LRIF1: variants seen among roughly 807,000 people sequenced by gnomAD.
LRIF1 encodes ligand-dependent nuclear receptor-interacting factor 1.
A neutral mutation model predicts 52.7 loss-of-function variants in LRIF1; 32 were observed. That is an observed-to-expected ratio of 0.61 (90% confidence interval 0.46 to 0.82). The LOEUF (loss-of-function observed/expected upper bound fraction) is 0.82. Among genes scored for constraint, LRIF1 ranks in the 40% least tolerant of loss-of-function variants. The pLI is 0.00. For missense variants in LRIF1, 887 were observed against 892.0 expected (o/e 0.99, Z 0.07); for synonymous variants, 323 against 317.4 (o/e 1.02, Z -0.19).
intron 1 of LRIF1, among the ~76,000 whole-genome samples, chr1:110,958,887 A>C (rs1658830529): frequency 1.3e-5 from 2 of 152,242 alleles, no homozygotes; most frequent in Non-Finnish European, 2.9e-5. Context: ...TCTTGGCAAC[A>C]AAATGTAATG....
At chr1:110,922,631 A>G in the LRIF1 span, among the ~76,000 whole-genome samples, 1 of 152,266 alleles carries the variant, frequency 6.6e-6, no homozygotes. Flanking sequence ...TATGAATAAT[A>G]CAAATTGTTT....
At chr1:110,899,939 T>C in the LRIF1 span, 1 of 152,654 alleles carries the variant, frequency 6.6e-6, no homozygotes, top group Admixed American at 6.5e-5. Context: ...CATTGCTATA[T>C]ATCAAACACT....
chr1:110,937,120 A>C, the LRIF1 span: 13 of 152,252 alleles, frequency 8.5e-5, no homozygotes, highest in African/African-American at 2.9e-4. Flanking sequence ...AGACCCTAAT[A>C]CAATAATAGC....
At chr1:110,913,737 T>C in the LRIF1 span, among the ~76,000 whole-genome samples, 43 of 152,320 alleles carry the variant, frequency 2.8e-4, no homozygotes, top group African/African-American at 9.9e-4. Context: ...GTTTACAGAC[T>C]TCTCAAAATA....
the LRIF1 span, among the ~76,000 whole-genome samples, chr1:110,931,117 A>G: frequency 1.3e-5 from 2 of 151,974 alleles, no homozygotes; most frequent in Non-Finnish European, 2.9e-5. Context: ...TATTTCTCCT[A>G]ATGCTATCCC....
intron 1 of LRIF1, among the ~76,000 whole-genome samples, chr1:110,962,227 A>T (rs1357984103): frequency 6.6e-6 from 1 of 152,144 alleles, no homozygotes; most frequent in African/African-American, 2.4e-5. Context: ...TTAATCATTT[A>T]AAAAGTAATT....
rs1223135100 is a variant in LRIF1 at position 110,951,653 on chromosome 1, C to A, written c.1231G>T (p.Val411Phe). 2 of 1,614,054 alleles carry A rather than the reference C, an allele frequency of 1.2e-6. No individual in the cohort carries two copies. Among genetic ancestry groups the A allele is most frequent in the African/African-American group, 1.3e-5 (1 of 75,022 alleles). The change falls in exon 2 of 4, where the codon GTT becomes TTT. Residue 411 changes from valine (V) to phenylalanine (F), a missense_variant. Val to Phe is a conservative substitution (Grantham distance 50). Coordinates refer to ENST00000369763, the MANE Select transcript of LRIF1 (RefSeq NM_018372.4). ...SSPVTEISREVVNIVLAKSKS... is the reference protein window; with the variant it reads ...SSPVTEISREFVNIVLAKSKS... ...CTTTTAGCCAAAACAATATTTACAA[C>A]CTCTCTGGATATTTCTGTGACTGGA...
the LRIF1 span, among the ~76,000 whole-genome samples, chr1:110,894,648 C>T: frequency 1.3e-5 from 2 of 152,124 alleles, no homozygotes; most frequent in Non-Finnish European, 2.9e-5. Flanking sequence ...ACTTGCTTTC[C>T]TCTGTGTGTT....
At chr1:110,884,585 G>A in the LRIF1 span, among the ~76,000 whole-genome samples, 1 of 152,026 alleles carries the variant, frequency 6.6e-6, no homozygotes, top group East Asian at 1.9e-4. Flanking sequence ...ACTTATACTT[G>A]TCTATATCTT....
At chr1:110,877,629 TCTTC>T in the LRIF1 span, among the ~76,000 whole-genome samples, 2 of 152,238 alleles carry the variant, frequency 1.3e-5, no homozygotes, top group East Asian at 1.9e-4. Context: ...CCTCTTTTCT[TCTTC>T]CTTATTTCTC....
chr1:110,877,888 C>T, the LRIF1 span, among the ~76,000 whole-genome samples: 1 of 152,222 alleles, frequency 6.6e-6, no homozygotes, highest in Non-Finnish European at 1.5e-5. Flanking sequence ...TTTGATTGCA[C>T]CTCAGCCACT....
At chr1:110,946,572 T>C (rs1364096422), downstream of LRIF1, among the ~76,000 whole-genome samples, 1 of 151,940 alleles carries the variant, frequency 6.6e-6, no homozygotes, top group African/African-American at 2.4e-5. Context: ...TTCTTTACAG[T>C]ATTTTCTGAT....
the LRIF1 span, among the ~76,000 whole-genome samples, chr1:110,888,761 T>C: frequency 6.6e-6 from 1 of 152,270 alleles, no homozygotes; most frequent in Non-Finnish European, 1.5e-5. Flanking sequence ...CTTTTTGTAC[T>C]AAGTGTATAT....
chr1:110,875,415 G>T, the LRIF1 span, among the ~76,000 whole-genome samples: 2 of 152,130 alleles, frequency 1.3e-5, no homozygotes, highest in African/African-American at 4.8e-5. Context: ...GGGAGAAGAG[G>T]CAGGTTTTTG....
downstream of LRIF1, chr1:110,942,430 G>A (rs542576849): frequency 6.6e-6 from 1 of 152,022 alleles, no homozygotes; most frequent in South Asian, 2.1e-4. Context: ...TTTCTCTATT[G>A]AGTTTTTGGT....
intron 1 of LRIF1, among the ~76,000 whole-genome samples, chr1:110,963,035 T>C (rs147881619): frequency 2.0e-4 from 30 of 152,320 alleles, no homozygotes; most frequent in African/African-American, 7.2e-4. Flanking sequence ...GAAATGGCAC[T>C]TCATTACACC....
the LRIF1 span, among the ~76,000 whole-genome samples, chr1:110,886,568 G>T: frequency 1.3e-5 from 2 of 151,662 alleles, no homozygotes; most frequent in African/African-American, 2.4e-5. Flanking sequence ...TTATTTTCTG[G>T]CCAGGCATGG....
chr1:110,929,549 C>T, the LRIF1 span, among the ~76,000 whole-genome samples: 7 of 152,030 alleles, frequency 4.6e-5, no homozygotes, highest in East Asian at 1.2e-3. Context: ...GCTTGTGGCC[C>T]GCATGTATGT....
At chr1:110,953,538 C>T (rs552750053) in intron 1 of LRIF1, among the ~76,000 whole-genome samples, 1 of 152,244 alleles carries the variant, frequency 6.6e-6, no homozygotes, top group Non-Finnish European at 1.5e-5. Flanking sequence ...CAATGTGGAA[C>T]AGACTGGAAA....
Sources: gnomAD v4.1 joint callset for allele counts (sites outside exome capture counted in the v4.1 genomes callset) on GRCh38, gnomAD v4.1.1 for gene constraint, MANE v1.5 for transcripts, NCBI Gene and HGNC (gene_info 2026-07-23, HGNC 2026-07-21) for gene names.